JPH3: variants seen among roughly 807,000 people sequenced by gnomAD.
The protein encoded by JPH3 is junctophilin-3.
A neutral mutation model predicts 59.6 loss-of-function variants in JPH3; 11 were observed. The ratio of observed to expected loss-of-function variants is 0.18; its 90% confidence interval spans 0.12 to 0.31. The LOEUF is 0.31. Among genes scored for constraint, JPH3 ranks in the 10% least tolerant of loss-of-function variants. JPH3 has a pLI of 1.00. For synonymous variants in JPH3, 673 were observed against 483.6 expected (o/e 1.39, Z -5.14); for missense variants, 1,202 against 1,105.7 (o/e 1.09, Z -1.24).
intron 2 of JPH3, among the ~76,000 whole-genome samples, chr16:87,655,764 C>T (rs912374193): frequency 6.6e-6 from 1 of 152,260 alleles, no homozygotes; most frequent in African/African-American, 2.4e-5. Flanking sequence ...ACGTCTCGGC[C>T]CCCCGTGTGG....
At chr16:87,696,258 G>T in intron 4 of JPH3, 1 of 468,780 alleles carries the variant, frequency 2.1e-6, no homozygotes, top group Non-Finnish European at 4.0e-6. Context: ...ACGTTTGCTT[G>T]CAGGGAGGCC....
At chr16:87,652,038 G>C (rs538531250) in intron 2 of JPH3, among the ~76,000 whole-genome samples, 1 of 150,880 alleles carries the variant, frequency 6.6e-6, no homozygotes, top group Non-Finnish European at 1.5e-5. Flanking sequence ...GCAGTGGCAC[G>C]ATCTTGGCTC....
intron 4 of JPH3, among the ~76,000 whole-genome samples, chr16:87,691,706 C>T (rs1249644933): frequency 6.6e-6 from 1 of 152,190 alleles, no homozygotes. Context: ...CTGCGGACGT[C>T]TGTCTGTCCT....
chr16:87,677,483 C>CTG (rs1469223297), intron 2 of JPH3, among the ~76,000 whole-genome samples: 1 of 152,232 alleles, frequency 6.6e-6, no homozygotes, highest in Non-Finnish European at 1.5e-5. Context: ...AACAGCTGGG[C>CTG]TGTGTGCTGT....
intron 2 of JPH3, chr16:87,654,919 G>C (rs2032443678): frequency 6.6e-6 from 1 of 152,286 alleles, no homozygotes; most frequent in Admixed American, 6.5e-5. Context: ...CCTTCGACAA[G>C]AACGTGTGAT....
In JPH3 at chr16:87,696,792, C is replaced by G; in HGVS notation, c.*132C>G. 1.4e-6 allele frequency: 1 copy of G among 726,656 alleles called. No homozygotes were observed. Among genetic ancestry groups the G allele is most frequent in the Non-Finnish European group, 2.4e-6 (1 of 417,256 alleles). The allele number at this position is 726,656 out of a possible 1,614,324, so 45.0% of individuals were successfully genotyped here. On this transcript the variant is annotated 3_prime_UTR_variant, in exon 5 of 5. Transcript: ENST00000284262. ...CTTCCAAGTCCTCTCACAGAAGAAC[C>G]ACACGATTGGGTATCACTCACAGTT... is the stretch of plus-strand genomic sequence containing the variant.
At chr16:87,668,306 G>A (rs1352710726) in intron 2 of JPH3, among the ~76,000 whole-genome samples, 1 of 152,148 alleles carries the variant, frequency 6.6e-6, no homozygotes, top group East Asian at 1.9e-4. Flanking sequence ...CATGTTTGGG[G>A]GTTACATCTG....
intron 2 of JPH3, among the ~76,000 whole-genome samples, chr16:87,683,167 C>T (rs527355125): frequency 4.2e-4 from 64 of 152,332 alleles, no homozygotes; most frequent in African/African-American, 1.4e-3. Flanking sequence ...GGGAGGTGGT[C>T]CCGCAACCCA....
intron 2 of JPH3, among the ~76,000 whole-genome samples, chr16:87,678,665 T>C (rs1001028977): frequency 6.6e-6 from 1 of 152,152 alleles, no homozygotes; most frequent in Non-Finnish European, 1.5e-5. Flanking sequence ...TTCCAACTTC[T>C]TGGAATAAGG....
At chr16:87,660,003 C>T (rs184270580) in intron 2 of JPH3, among the ~76,000 whole-genome samples, 2 of 152,252 alleles carry the variant, frequency 1.3e-5, no homozygotes. Context: ...GGATTCCTTT[C>T]CTTGTCCCTG....
intron 2 of JPH3, among the ~76,000 whole-genome samples, chr16:87,663,339 C>T (rs747149529): frequency 6.6e-6 from 1 of 152,182 alleles, no homozygotes; most frequent in Non-Finnish European, 1.5e-5. Flanking sequence ...AACTCCTGAC[C>T]TCAAGTGCTC....
chr16:87,626,283 C>T (rs1017302347), intron 1 of JPH3, among the ~76,000 whole-genome samples: 27 of 152,122 alleles, frequency 1.8e-4, no homozygotes, highest in Non-Finnish European at 3.2e-4. Flanking sequence ...GCTTAACTAC[C>T]CCAGGCCGCA....
At chr16:87,633,421 G>A (rs992410100) in intron 1 of JPH3, among the ~76,000 whole-genome samples, 5 of 151,420 alleles carry the variant, frequency 3.3e-5, no homozygotes, top group Non-Finnish European at 5.9e-5. Flanking sequence ...TTGGAGAAAC[G>A]CAATTAAGCC....
At chr16:87,657,068 T>C (rs1206567027) in intron 2 of JPH3, among the ~76,000 whole-genome samples, 1 of 152,132 alleles carries the variant, frequency 6.6e-6, no homozygotes, top group African/African-American at 2.4e-5. Context: ...GCCCTTGTCA[T>C]AGCGGAGGCT....
chr16:87,626,646 A>G (rs1482882089), intron 1 of JPH3, among the ~76,000 whole-genome samples: 1 of 152,240 alleles, frequency 6.6e-6, no homozygotes, highest in African/African-American at 2.4e-5. Flanking sequence ...TGAGGCCGCC[A>G]CACTCAGAGC....
chr16:87,680,968 G>T (rs1366775957), intron 2 of JPH3, among the ~76,000 whole-genome samples: 2 of 152,092 alleles, frequency 1.3e-5, no homozygotes, highest in Non-Finnish European at 2.9e-5. Flanking sequence ...GGTCCCTCGT[G>T]CTGTGTGTGG....
intron 1 of JPH3, among the ~76,000 whole-genome samples, chr16:87,622,942 G>A (rs73234338): frequency 0.21 from 31,202 of 152,088 alleles, 3,312 homozygotes; most frequent in East Asian, 0.28. Flanking sequence ...CAGAGGACTT[G>A]CCTTCTCTGC....
chr16:87,692,295 A>G (rs1169000736), intron 4 of JPH3, among the ~76,000 whole-genome samples: 2 of 151,810 alleles, frequency 1.3e-5, no homozygotes, highest in East Asian at 1.9e-4. Flanking sequence ...GGCGCGGTCA[A>G]TCCTAAGCAC....
At chr16:87,650,582 T>C (rs1454871663) in intron 2 of JPH3, among the ~76,000 whole-genome samples, 1 of 152,186 alleles carries the variant, frequency 6.6e-6, no homozygotes, top group African/African-American at 2.4e-5. Context: ...CAGCCTAGTT[T>C]TGAATGTAAA....
Sources: gnomAD v4.1 joint callset for allele counts (sites outside exome capture counted in the v4.1 genomes callset) on GRCh38, gnomAD v4.1.1 for gene constraint, MANE v1.5 for transcripts, NCBI Gene and HGNC (gene_info 2026-07-23, HGNC 2026-07-21) for gene names.